The following PPP2R3B variants were observed in gnomAD, a reference collection of about 807,000 sequenced individuals.
PPP2R3B encodes protein phosphatase 2 regulatory subunit B''beta, also known as serine/threonine-protein phosphatase 2A regulatory subunit B'' subunit beta.
Under a neutral mutation model 72.9 loss-of-function variants are expected in PPP2R3B, and 68 were observed. The ratio of observed to expected loss-of-function variants is 0.93; its 90% confidence interval spans 0.77 to 1.14. The LOEUF (loss-of-function observed/expected upper bound fraction) is 1.14. PPP2R3B is among the 50% of genes most tolerant of loss of function. The probability of loss-of-function intolerance (pLI) is 0.00; values close to 1 mark genes in which losing one functional copy is unlikely to be tolerated. For missense variants in PPP2R3B, 1,018 were observed against 842.0 expected, an observed-to-expected ratio of 1.21 and a Z score of -2.59; for synonymous variants, 466 against 375.8, an observed-to-expected ratio of 1.24 and a Z score of -2.78.
At chrX:382,312 C>T (rs2072145117) in intron 1 of PPP2R3B, among the ~76,000 whole-genome samples, 1 of 151,856 alleles carries the variant, frequency 6.6e-6, no homozygotes, top group Non-Finnish European at 1.5e-5. Context: ...ATTCTCCTGC[C>T]TCAGCCTCCA....
chrX:364,573 C>T (rs1055385541), intron 1 of PPP2R3B, among the ~76,000 whole-genome samples: 1 of 150,968 alleles, frequency 6.6e-6, no homozygotes, highest in African/African-American at 2.4e-5. Context: ...AAAAAATTAG[C>T]CGGGTGTGGT....
chrX:341,826 G>A (rs2071085002), intron 8 of PPP2R3B, 57 bp downstream of exon 8: 7 of 1,582,264 alleles, frequency 4.4e-6, no homozygotes, highest in South Asian at 3.3e-5. Context: ...GATGAGGAGA[G>A]GGACCGGGGT....
Position 340,411 on chromosome X carries a change from G to T in PPP2R3B, c.1351+354C>A, listed in dbSNP as rs939431319. Reference sequence around the variant, plus strand: ...CTGGCCCTCCTCACAAACTCAGTAGGACAGCGCCTCACAGGGACGTCCCCT... The same window carrying T: ...CTGGCCCTCCTCACAAACTCAGTAGTACAGCGCCTCACAGGGACGTCCCCT... On this transcript the variant is annotated intron_variant, in intron 10 of 12. Transcript: ENST00000390665. Among the ~76,000 whole-genome samples the T allele has an allele frequency of 1.3e-5, 2 of 151,518 alleles. 1 individual carries two copies. Among genetic ancestry groups the T allele is most frequent in the African/African-American group, 4.9e-5 (2 of 41,186 alleles).
chrX:338,942 C>G lies in PPP2R3B; in HGVS notation c.1352-46G>C, dbSNP rs5989639. Reference sequence around the variant, plus strand: ...CCAAGGCGCGTGAGCCCGGTCTCACCTTCGGGGCCTGGGTGTGGGGTGCGC... The same window carrying G: ...CCAAGGCGCGTGAGCCCGGTCTCACGTTCGGGGCCTGGGTGTGGGGTGCGC... On this transcript the variant is annotated intron_variant, in intron 10 of 12. Coordinates refer to ENST00000390665, the MANE Select transcript of PPP2R3B (RefSeq NM_013239.5). 1.3e-3 allele frequency: 2,051 copies of G among 1,528,954 alleles called. 19 individuals carry two copies. The African/African-American group carries it at 0.022, about 16-fold the overall frequency. 94.7% of individuals were successfully genotyped at this position (1,528,954 alleles called of 1,614,324 possible). A position where few individuals can be genotyped will look rare whatever the true frequency, so the allele number is the denominator to read the frequency against.
Position 377,867 on chromosome X carries a change from C to CA in PPP2R3B, c.324+8500_324+8501insT. 2.0e-5 allele frequency among the ~76,000 whole-genome samples: 2 copies of CA among 97,698 alleles called. 1 individual carries two copies. The highest frequency in any genetic ancestry group is 1.8e-4 in the Admixed American group (2 of 11,190). 64.1% of individuals were successfully genotyped at this position (97,698 alleles called of 152,430 possible). ...GGCCGTCCACACCCAGTGGGTCCGC[C>CA]GTGGGGCTGTCTATACACTACTGTG... On this transcript the variant is annotated intron_variant, in intron 1 of 12. Coordinates refer to ENST00000390665, the MANE Select transcript of PPP2R3B (RefSeq NM_013239.5).
At chrX:337,240 C>A (rs2070914856) in intron 12 of PPP2R3B, 1 of 152,160 alleles carries the variant, frequency 6.6e-6, no homozygotes, top group African/African-American at 2.4e-5. Flanking sequence ...GCCACCACGC[C>A]TGGCTAATTT....
In PPP2R3B at chrX:338,375, C is replaced by CGCGGGGAATG. The variant is rs776014721; in HGVS notation, c.1577+219_1577+228dup. On this transcript the variant is annotated intron_variant, in intron 12 of 12. Coordinates refer to ENST00000390665, the MANE Select transcript of PPP2R3B (RefSeq NM_013239.5). ...TCGCGCCCAGGATCACAGAACCCCA[C>CGCGGGGAATG]GCGGGGAATGACGGGCAGACTGCAC... 2.4e-3 allele frequency: 1,488 copies of CGCGGGGAATG among 607,748 alleles called. 3 individuals are homozygous for CGCGGGGAATG. Among genetic ancestry groups the CGCGGGGAATG allele is most frequent in the Non-Finnish European group, 3.4e-3 (1,169 of 339,922 alleles). 37.6% of individuals were successfully genotyped at this position (607,748 alleles called of 1,614,324 possible). A position where few individuals can be genotyped will look rare whatever the true frequency, so the allele number is the denominator to read the frequency against.
At position 347,661 on chromosome X, in the gene PPP2R3B, C is replaced by T. The variant is rs767477192; in HGVS notation, c.543G>A (p.Pro181=). ...GCTCCCCGCCGGCGCCATAGAAGAG[C>T]GGCCCCTTCCAGTAGAGGGGGCAGC... ...ACGCPLYWKG[P]LFYGAGGERT... is the part of the protein sequence containing the mutation. The change falls in exon 3 of 13, where the codon CCG becomes CCA. Residue 181 remains proline (P), a synonymous_variant. Coordinates refer to ENST00000390665, the MANE Select transcript of PPP2R3B (RefSeq NM_013239.5). The T allele has an allele frequency of 4.5e-6, 7 of 1,560,034 alleles. No homozygotes were observed. In the South Asian group the frequency reaches 4.7e-5, roughly 10 times the overall value.
At chrX:385,218 T>C (rs1006961692) in intron 1 of PPP2R3B, among the ~76,000 whole-genome samples, 1 of 151,736 alleles carries the variant, frequency 6.6e-6, no homozygotes, top group African/African-American at 2.4e-5. Flanking sequence ...TGAATATCCA[T>C]AGCTCTTCCT....
intron 12 of PPP2R3B, chrX:337,490 GACC>G (rs1212863042): frequency 6.6e-6 from 1 of 152,314 alleles, no homozygotes; most frequent in African/African-American, 2.4e-5. Context: ...TGGCAAAAGT[GACC>G]ACGTCGCTCC....
rs28670146 is a variant in PPP2R3B at position 351,481 on chromosome X, G to A, written c.511-3788C>T. The stretch of plus-strand genomic sequence containing the variant: ...TCTATCCAGCCGTGCAGGATATAGC[G>A]TCTCATGTGTCCAGACCTGCAGGCT... On this transcript the variant is annotated intron_variant, in intron 2 of 12. Coordinates refer to ENST00000390665, the MANE Select transcript of PPP2R3B (RefSeq NM_013239.5). Among the ~76,000 whole-genome samples the A allele has an allele frequency of 5.0e-3, 764 of 152,336 alleles. 9 individuals are homozygous for A. The highest frequency in any genetic ancestry group is 0.017 in the African/African-American group (695 of 41,570).
chrX:363,370 C>T (rs759364476), intron 1 of PPP2R3B, among the ~76,000 whole-genome samples: 2 of 149,598 alleles, frequency 1.3e-5, no homozygotes, highest in East Asian at 4.0e-4. Flanking sequence ...TCTCCGAGCC[C>T]ACCATCCCAC....
At chrX:385,950 A>C (rs1167340834) in intron 1 of PPP2R3B, among the ~76,000 whole-genome samples, 1 of 152,082 alleles carries the variant, frequency 6.6e-6, no homozygotes, top group African/African-American at 2.4e-5. Flanking sequence ...GCGTGGTGGC[A>C]CGTGCCTGTA....
Position 342,225 on chromosome X carries a change from C to T in PPP2R3B, c.1037-294G>A, listed in dbSNP as rs189705184. On this transcript the variant is annotated intron_variant, in intron 7 of 12. Transcript: ENST00000390665. ...AGGCCTCAAAGGTACAGCTTTCAGA[C>T]GGAGAGAGAGACCTCGAGTGTGATC... The T allele has an allele frequency of 1.0e-3, 580 of 571,266 alleles. 4 individuals are homozygous for T. Among genetic ancestry groups the T allele is most frequent in the Non-Finnish European group, 1.4e-3 (446 of 318,672 alleles). 35.4% of individuals were successfully genotyped at this position (571,266 alleles called of 1,614,324 possible).
Position 345,617 on chromosome X carries a change from GAGA to G in PPP2R3B, c.932_934del (p.Phe311del), listed in dbSNP as rs1287586452. ...GTAGATGACGTAGAAATGCTCGTAC[GAGA>G]AGAATTCGGTCAGCTGGTTGATGTC... is the stretch of plus-strand genomic sequence containing the variant. On this transcript the variant is annotated inframe_deletion, in exon 7 of 13. Coordinates refer to ENST00000390665, the MANE Select transcript of PPP2R3B (RefSeq NM_013239.5). 4 of 1,613,106 alleles carry G rather than the reference GAGA, an allele frequency of 2.5e-6. No homozygotes were observed. The highest frequency in any genetic ancestry group is 2.2e-5 in the South Asian group (2 of 91,070).
At chrX:346,475 C>T (rs890995838) in intron 5 of PPP2R3B, 25 of 627,886 alleles carry the variant, frequency 4.0e-5, no homozygotes, top group Middle Eastern at 4.4e-4. Context: ...CGGAGCTACA[C>T]GGGCCCAGGA....
chrX:372,509 C>G (rs137956852), intron 1 of PPP2R3B, among the ~76,000 whole-genome samples: 1 of 152,184 alleles, frequency 6.6e-6, no homozygotes, highest in African/African-American at 2.4e-5. Flanking sequence ...CAGATTCGGC[C>G]GCAGCCAAAC....
chrX:348,476 T>G (rs1450785657), intron 2 of PPP2R3B, among the ~76,000 whole-genome samples: 4 of 151,306 alleles, frequency 2.6e-5, no homozygotes, highest in Admixed American at 6.6e-5. Flanking sequence ...CTCGGGAGGC[T>G]GAGGCAGGAG....
chrX:350,162 A>C (rs2738344), intron 2 of PPP2R3B, among the ~76,000 whole-genome samples: 49,734 of 152,132 alleles, frequency 0.33, 9,023 homozygotes, highest in South Asian at 0.47. Context: ...CCGGTGGCCT[A>C]AGAGAGCAAG....
Sources: gnomAD v4.1 joint callset for allele counts (sites outside exome capture counted in the v4.1 genomes callset) on GRCh38, gnomAD v4.1.1 for gene constraint, MANE v1.5 for transcripts, NCBI Gene and HGNC (gene_info 2026-07-23, HGNC 2026-07-21) for gene names.